The following TMEM117 variants were observed in gnomAD, a reference collection of about 807,000 sequenced individuals.
TMEM117 encodes the protein transmembrane protein 117.
TMEM117 carries 27 observed loss-of-function variants against 52.4 expected under a neutral mutation model. The observed-to-expected ratio is 0.51, with a 90% confidence interval of 0.38 to 0.71. The LOEUF (loss-of-function observed/expected upper bound fraction) is 0.71, where lower values mean the gene tolerates loss of function less well. TMEM117 is among the 30% of genes least tolerant of loss of function. The probability of loss-of-function intolerance (pLI) is 0.00; values close to 1 mark genes in which losing one functional copy is unlikely to be tolerated. For missense variants in TMEM117, 556 were observed against 630.5 expected, an observed-to-expected ratio of 0.88 and a Z score of 1.26; for synonymous variants, 215 against 206.3, an observed-to-expected ratio of 1.04 and a Z score of -0.36.
chr12:43,797,247 T>C, the TMEM117 span: 8 of 1,517,194 alleles, frequency 5.3e-6, no homozygotes, highest in Non-Finnish European at 6.2e-6. Flanking sequence ...AATATAGGGC[T>C]GATACACCAA....
intron 7 of TMEM117, among the ~76,000 whole-genome samples, chr12:44,384,465 G>A (rs772778188): frequency 1.2e-4 from 18 of 152,074 alleles, no homozygotes; most frequent in Non-Finnish European, 2.4e-4. Context: ...GTAGGGACAC[G>A]ATCCCCTGTT....
the TMEM117 span, among the ~76,000 whole-genome samples, chr12:43,813,084 G>A: frequency 6.6e-6 from 1 of 151,314 alleles, no homozygotes; most frequent in Non-Finnish European, 1.5e-5. Context: ...TTCCCTTCAG[G>A]CTCCCAAGAG....
chr12:44,343,886 C>T (rs1352865766), intron 6 of TMEM117, among the ~76,000 whole-genome samples: 1 of 152,086 alleles, frequency 6.6e-6, no homozygotes, highest in Admixed American at 6.6e-5. Context: ...ATGAGCTGAT[C>T]ATCTTTGACT....
intron 5 of TMEM117, among the ~76,000 whole-genome samples, chr12:44,226,640 A>G (rs1420855620): frequency 5.3e-5 from 8 of 152,242 alleles, no homozygotes; most frequent in Non-Finnish European, 1.0e-4. Flanking sequence ...CAAAGAGGTG[A>G]TAAGGTAAAA....
chr12:43,842,095 C>G (rs907281861), intron 1 of TMEM117, among the ~76,000 whole-genome samples: 1 of 152,076 alleles, frequency 6.6e-6, no homozygotes, highest in Admixed American at 6.5e-5. Context: ...TGGACACTTC[C>G]AAAACTGTTG....
chr12:44,214,738 A>G (rs117672748), intron 5 of TMEM117, among the ~76,000 whole-genome samples: 1 of 152,334 alleles, frequency 6.6e-6, no homozygotes, highest in Non-Finnish European at 1.5e-5. Context: ...AGAACAATTT[A>G]AATGCCACTT....
intron 3 of TMEM117, among the ~76,000 whole-genome samples, chr12:44,136,692 A>G (rs76496387): frequency 0.011 from 1,655 of 152,242 alleles, 27 homozygotes; most frequent in East Asian, 0.057. Context: ...CTTTAATATG[A>G]TTAAGTAGAT....
intron 5 of TMEM117, among the ~76,000 whole-genome samples, chr12:44,260,388 A>G (rs1022011907): frequency 6.6e-6 from 1 of 152,202 alleles, no homozygotes; most frequent in African/African-American, 2.4e-5. Context: ...GACTCCTTTC[A>G]TGATGAGAAG....
intron 2 of TMEM117, among the ~76,000 whole-genome samples, chr12:43,906,841 T>C (rs1441397665): frequency 6.6e-6 from 1 of 152,128 alleles, no homozygotes; most frequent in East Asian, 1.9e-4. Flanking sequence ...GCTCGGAGGG[T>C]CCTACCCCCA....
intron 6 of TMEM117, among the ~76,000 whole-genome samples, chr12:44,304,716 G>A (rs1381299783): frequency 6.6e-6 from 1 of 152,186 alleles, no homozygotes; most frequent in East Asian, 1.9e-4. Flanking sequence ...TGGGCCAGAA[G>A]GGAACCCACT....
chr12:43,905,075 G>T (rs563144211), intron 2 of TMEM117, among the ~76,000 whole-genome samples: 4 of 152,086 alleles, frequency 2.6e-5, no homozygotes, highest in African/African-American at 9.7e-5. Context: ...CCCAGGAGGC[G>T]GAGGTTGCGG....
Position 44,299,731 on chromosome 12 carries a change from G to A in TMEM117, c.760G>A (p.Val254Met). The change falls in exon 6 of 8, where the codon GTG becomes ATG. Residue 254 changes from valine to methionine, a missense_variant. This residue lies in a region of TMEM117 where 328 missense variants were observed against 371.4 expected (regional missense o/e 0.88). Transcript: ENST00000266534. ...TATCTTGGTCTTTGACCTTCTTATT[G>A]TGATGCAGGTAAGTGTATTTCCCTC... ...SFILVFDLLI[V>M]MQDWEFPHFM... 1.2e-6 allele frequency: 2 copies of A among 1,614,052 alleles called. No homozygotes were observed. Among genetic ancestry groups the A allele is most frequent in the South Asian group, 1.1e-5 (1 of 91,080 alleles).
At chr12:43,951,531 A>G (rs1945221900) in intron 3 of TMEM117, among the ~76,000 whole-genome samples, 1 of 152,178 alleles carries the variant, frequency 6.6e-6, no homozygotes, top group African/African-American at 2.4e-5. Context: ...CCCGCAGTGC[A>G]GCAAAACAGC....
In TMEM117 at chr12:44,314,505, TTC is replaced by T. The variant is rs1275401844; in HGVS notation, c.768+14768_768+14769del. Among the ~76,000 whole-genome samples, 8 of 152,102 alleles carry T rather than the reference TTC, an allele frequency of 5.3e-5. No individual in the cohort carries two copies. The East Asian group carries it at 1.5e-3, about 29-fold the overall frequency. On this transcript the variant is annotated intron_variant, in intron 6 of 7. Transcript: ENST00000266534. ...GCTGGATTTCATTTGGCAGTTTTTT[TTC>T]TTTTTTTGAGGATTTTTGTGTCTAT...
At chr12:43,969,321 C>T (rs1257971546) in intron 3 of TMEM117, among the ~76,000 whole-genome samples, 2 of 132,258 alleles carry the variant, frequency 1.5e-5, no homozygotes, top group African/African-American at 3.0e-5. Flanking sequence ...GAGTTCAAGA[C>T]CAGCCTGGCC....
At chr12:44,119,203 A>G (rs1948193893) in intron 3 of TMEM117, among the ~76,000 whole-genome samples, 1 of 152,238 alleles carries the variant, frequency 6.6e-6, no homozygotes, top group Non-Finnish European at 1.5e-5. Context: ...TAATCACCAA[A>G]GATATAATTA....
chr12:43,838,537 GTT>G (rs780135058), intron 1 of TMEM117, among the ~76,000 whole-genome samples: 119 of 93,294 alleles, frequency 1.3e-3, no homozygotes, highest in African/African-American at 4.3e-3. Flanking sequence ...GAGTCTTCCA[GTT>G]TTTTTTTTTT....
chr12:44,224,061 C>A (rs985697647), intron 5 of TMEM117, among the ~76,000 whole-genome samples: 2 of 152,070 alleles, frequency 1.3e-5, no homozygotes, highest in Non-Finnish European at 2.9e-5. Flanking sequence ...GCCCTTATAG[C>A]TTCCCTTCTA....
chr12:44,396,575 C>G, the TMEM117 span, among the ~76,000 whole-genome samples: 4 of 151,870 alleles, frequency 2.6e-5, no homozygotes, highest in African/African-American at 9.7e-5. Flanking sequence ...TCATTTAGGC[C>G]GGGTGCGGTG....
Sources: allele counts gnomAD v4.1 joint callset (sites outside exome capture counted in the v4.1 genomes callset), GRCh38; gene constraint gnomAD v4.1.1; regional missense constraint gnomAD v4.1.1; transcripts MANE v1.5; gene names NCBI Gene and HGNC (gene_info 2026-07-23, HGNC 2026-07-21).